Variants in MGMT observed in about 807,000 individuals in gnomAD.
MGMT encodes O-6-methylguanine-DNA methyltransferase, also known as methylated-DNA--protein-cysteine methyltransferase.
MGMT carries 14 observed loss-of-function variants against 15.9 expected under a neutral mutation model. That is an observed-to-expected ratio of 0.88 (90% CI 0.58 to 1.37). The LOEUF (loss-of-function observed/expected upper bound fraction) is 1.37. Ranked by LOEUF, MGMT falls within the 40% of genes most tolerant of loss-of-function variation. The pLI is 0.00. For synonymous variants in MGMT, 130 were observed against 118.2 expected (o/e 1.10, Z -0.65); for missense variants, 282 against 268.1 (o/e 1.05, Z -0.36).
Position 129,532,742 on chromosome 10 carries a change from CTGGCCG to C in MGMT, c.-12-3493_-12-3488del, listed in dbSNP as rs927626801. Among the ~76,000 whole-genome samples, 113 of 152,264 alleles carry C rather than the reference CTGGCCG, an allele frequency of 7.4e-4. 2 individuals are homozygous for C. The highest frequency in any genetic ancestry group is 5.6e-3 in the East Asian group (29 of 5,168). ...GTCACGGTGTGTAGTGCCCAAAGCC[CTGGCCG>C]TGGCCATCTCAGGTTAGACCCTCAG... On this transcript the variant is annotated intron_variant, in intron 1 of 4. Transcript: ENST00000651593. This position sits in a 1 kb window ranked among gnomAD's most constrained non-coding sequence, Gnocchi z 5.3.
intron 2 of MGMT, among the ~76,000 whole-genome samples, chr10:129,668,585 C>T (rs1218836052): frequency 6.6e-6 from 1 of 152,140 alleles, no homozygotes; most frequent in Non-Finnish European, 1.5e-5. Flanking sequence ...TTGTCTATTC[C>T]ATTTTATTGT....
At chr10:129,711,017 C>G (rs867913829) in intron 3 of MGMT, among the ~76,000 whole-genome samples, 3 of 152,170 alleles carry the variant, frequency 2.0e-5, no homozygotes, top group African/African-American at 7.2e-5. Flanking sequence ...TGTATTTGAG[C>G]TCATCCTTGA....
At chr10:129,583,159 G>A (rs150923370) in intron 2 of MGMT, among the ~76,000 whole-genome samples, 1 of 152,094 alleles carries the variant, frequency 6.6e-6, no homozygotes, top group South Asian at 2.1e-4. Flanking sequence ...ATGGTGTATC[G>A]GAAGCTTCTG....
chr10:129,511,779 C>T (rs1845686310), intron 1 of MGMT, among the ~76,000 whole-genome samples: 1 of 152,188 alleles, frequency 6.6e-6, no homozygotes, highest in South Asian at 2.1e-4. Context: ...TTTATCTGTG[C>T]AGGCCTAGAG....
At chr10:129,706,074 C>A (rs554128562) in intron 2 of MGMT, among the ~76,000 whole-genome samples, 1 of 152,340 alleles carries the variant, frequency 6.6e-6, no homozygotes, top group Admixed American at 6.5e-5. Context: ...CTGCCTCTTG[C>A]CAGGGGCCCC....
At chr10:129,583,755 A>G (rs1846585239) in intron 2 of MGMT, among the ~76,000 whole-genome samples, 1 of 152,160 alleles carries the variant, frequency 6.6e-6, no homozygotes, top group Admixed American at 6.5e-5. Flanking sequence ...TCGTCTCTGT[A>G]GTTGAGGGAA....
intron 2 of MGMT, among the ~76,000 whole-genome samples, chr10:129,613,695 C>T (rs1455640807): frequency 6.6e-6 from 1 of 152,240 alleles, no homozygotes; most frequent in Non-Finnish European, 1.5e-5. Flanking sequence ...TCCTGGGATG[C>T]ACACAGGAGT....
chr10:129,525,995 A>G (rs1845865366), intron 1 of MGMT, among the ~76,000 whole-genome samples: 1 of 152,170 alleles, frequency 6.6e-6, no homozygotes, highest in Admixed American at 6.5e-5. Flanking sequence ...AAACGATTTC[A>G]ATGTAACAGA....
chr10:129,544,091 C>T (rs1474757928), intron 2 of MGMT, among the ~76,000 whole-genome samples: 2 of 152,144 alleles, frequency 1.3e-5, no homozygotes, highest in Non-Finnish European at 2.9e-5. Context: ...TGGGCTTCAC[C>T]TCTGTTCGGC....
At chr10:129,596,882 A>G (rs963073732) in intron 2 of MGMT, among the ~76,000 whole-genome samples, 1 of 151,810 alleles carries the variant, frequency 6.6e-6, no homozygotes, top group African/African-American at 2.4e-5. Flanking sequence ...GCATTTTTGG[A>G]GCTGGTTGTG....
At chr10:129,483,517 GA>G (rs1319563889) in intron 1 of MGMT, among the ~76,000 whole-genome samples, 2 of 151,968 alleles carry the variant, frequency 1.3e-5, no homozygotes. Flanking sequence ...CTGCATTCTT[GA>G]AAAAATGTGA....
chr10:129,583,278 T>C (rs1357759805), intron 2 of MGMT, among the ~76,000 whole-genome samples: 1 of 152,236 alleles, frequency 6.6e-6, no homozygotes, highest in African/African-American at 2.4e-5. Context: ...TAAACAATTA[T>C]TCTAAAATCA....
intron 1 of MGMT, among the ~76,000 whole-genome samples, chr10:129,473,408 G>A (rs1289901089): frequency 6.6e-6 from 1 of 152,168 alleles, no homozygotes; most frequent in Non-Finnish European, 1.5e-5. Context: ...GACCAACTTA[G>A]GAAAGGCTCA....
At chr10:129,529,844 T>C (rs1244364381) in intron 1 of MGMT, among the ~76,000 whole-genome samples, 4 of 152,180 alleles carry the variant, frequency 2.6e-5, no homozygotes, top group African/African-American at 9.7e-5. Flanking sequence ...ACCCATGTAT[T>C]CATAATTTGG....
At chr10:129,671,885 T>C (rs1015185619) in intron 2 of MGMT, among the ~76,000 whole-genome samples, 16 of 152,216 alleles carry the variant, frequency 1.1e-4, no homozygotes, top group African/African-American at 3.9e-4. Context: ...GGACATGAGT[T>C]TGGCAAATAT....
At chr10:129,710,495 C>CATGTGTA (rs1589951135) in intron 3 of MGMT, among the ~76,000 whole-genome samples, 2 of 152,210 alleles carry the variant, frequency 1.3e-5, no homozygotes, top group East Asian at 3.9e-4. Context: ...TTCCCCACCA[C>CATGTGTA]AGCATGTGTA....
At chr10:129,594,202 C>G (rs1045301494) in intron 2 of MGMT, among the ~76,000 whole-genome samples, 1 of 152,148 alleles carries the variant, frequency 6.6e-6, no homozygotes, top group African/African-American at 2.4e-5. Context: ...GAGGGCGTTG[C>G]AATGACTCAG....
At chr10:129,711,947 G>A (rs1215908554) in intron 3 of MGMT, among the ~76,000 whole-genome samples, 7 of 152,160 alleles carry the variant, frequency 4.6e-5, no homozygotes, top group Admixed American at 3.9e-4. Context: ...TTATGAAAAT[G>A]TTTAGCTTCT....
At chr10:129,497,706 C>G (rs535599471) in intron 1 of MGMT, among the ~76,000 whole-genome samples, 1 of 152,278 alleles carries the variant, frequency 6.6e-6, no homozygotes, top group East Asian at 1.9e-4. Flanking sequence ...AACTCTACCC[C>G]CATGGTGATG....
Sources: gnomAD v4.1 joint callset for allele counts (sites outside exome capture counted in the v4.1 genomes callset) on GRCh38, gnomAD v4.1.1 for gene constraint, Gnocchi (gnomAD v3.1) non-coding constraint, MANE v1.5 for transcripts, NCBI Gene and HGNC (gene_info 2026-07-23, HGNC 2026-07-21) for gene names.